MUC4: variants seen among roughly 807,000 people sequenced by gnomAD.
The protein encoded by MUC4 is mucin 4, cell surface associated.
A neutral mutation model predicts 257.9 loss-of-function variants in MUC4; 202 were observed. The ratio of observed to expected loss-of-function variants is 0.78; its 90% CI spans 0.70 to 0.88. The LOEUF is 0.88. MUC4 is among the 40% of genes least tolerant of loss of function. MUC4 has a pLI of 0.00. For missense variants in MUC4, 5,976 were observed against 6,513.7 expected, an observed-to-expected ratio of 0.92 and a Z score of 2.84; for synonymous variants, 2,351 against 2,757.1, an observed-to-expected ratio of 0.85 and a Z score of 4.62.
chr3:195,749,146 G>C (rs1457814412), intron 23 of MUC4, 82 bp from the exon 24 acceptor site: 3 of 1,526,194 alleles, frequency 2.0e-6, no homozygotes, highest in Middle Eastern at 1.7e-4. Context: ...ATTCCTTTTC[G>C]GGTGTTTATC....
rs1182623140 is a variant in MUC4 at position 195,783,138 on chromosome 3, G to A, written c.8442C>T (p.Ala2814=). 7 of 1,325,890 alleles carry A rather than the reference G, an allele frequency of 5.3e-6. No homozygotes were observed. Among genetic ancestry groups the A allele is most frequent in the Admixed American group, 2.3e-5 (1 of 42,598 alleles). The allele number at this position is 1,325,890 out of a possible 1,614,324, so 82.1% of individuals were successfully genotyped here. ...TDASSVSTGH[A]TSLPVTDASS... ...AAGCGTCGGTGACAGGAAGAGAGGT[G>A]GCGTGACCTGTGGACACTGACGAAG... Residue 2814 remains alanine (A), a synonymous_variant, in exon 2 of 25, where the codon GCC becomes GCT. Transcript: ENST00000463781.
At chr3:195,754,168 A>C in intron 19 of MUC4, 45 bp downstream of exon 19, 1 of 1,579,108 alleles carries the variant, frequency 6.3e-7, no homozygotes, top group Non-Finnish European at 8.6e-7. Flanking sequence ...TTGAGCTATC[A>C]GCTGCTCCCA....
intron 8 of MUC4, 54 bp from the exon 9 acceptor site, chr3:195,765,503 C>T (rs1288373679): frequency 1.3e-6 from 2 of 1,550,244 alleles, no homozygotes; most frequent in Non-Finnish European, 1.8e-6. Context: ...GCTGCAGGCC[C>T]TGTCTCAGCT....
rs756391969 is a variant in MUC4 at position 195,778,817 on chromosome 3, C to T, written c.12763G>A (p.Asp4255Asn). 4.4e-5 allele frequency: 71 copies of T among 1,611,926 alleles called. No homozygotes were observed. The South Asian group carries it at 7.8e-4, about 18-fold the overall frequency. The change falls in exon 2 of 25, where the codon GAC becomes AAC. Residue 4255 changes from aspartate to asparagine, a missense_variant. Coordinates refer to ENST00000463781, the MANE Select transcript of MUC4 (RefSeq NM_018406.7). ...GGTGTTTCCATCTTCAGAGGGGAGT[C>T]CGAGGATACTGTGGAAGCTGAGGTA... ...SATSASTVSS[D>N]SPLKMETPGM...
chr3:195,767,933 G>GCCATCA (rs1553861390), intron 7 of MUC4, among the ~76,000 whole-genome samples: 3 of 62,654 alleles, frequency 4.8e-5, no homozygotes, highest in African/African-American at 2.3e-4. Flanking sequence ...CACCTCCACC[G>GCCATCA]CCACTACCAC....
rs761711596 is a variant in MUC4, at chr3:195,788,084, C to G, written c.3496G>C (p.Ala1166Pro). 2 of 1,470,076 alleles carry G rather than the reference C, an allele frequency of 1.4e-6. No homozygotes were observed. The highest frequency in any genetic ancestry group is 1.7e-5 in the African/African-American group (1 of 58,606). The allele number at this position is 1,470,076 out of a possible 1,614,324, so 91.1% of individuals were successfully genotyped here. A position where few individuals can be genotyped will look rare whatever the true frequency, so the allele number is the denominator to read the frequency against. Residue 1166 changes from alanine to proline, a missense_variant, in exon 2 of 25, where the codon GCC becomes CCC. By Grantham distance (27) the Ala-to-Pro change is conservative. Coordinates refer to ENST00000463781, the MANE Select transcript of MUC4 (RefSeq NM_018406.7). ...TDASSASTGQ[A>P]TPLPVTSLSS... ...AGGCTGGTGACAGGAAGAGGGGTGG[C>G]CTGACCTGTGGATGCTGAGGAAGCA...
chr3:195,778,492 C>A, intron 2 of MUC4, 37 bp from the exon 3 acceptor site: 2 of 1,604,122 alleles, frequency 1.2e-6, no homozygotes, highest in Non-Finnish European at 8.5e-7. Context: ...GTGTTTCTTA[C>A]AGTAACAAAA....
chr3:195,785,686 T>A lies in MUC4; in HGVS notation c.5894A>T (p.His1965Leu). ...GTCGGTGACAGGAAGAGAGGTGGCGTGACCTGTGGGTACTGAGGAAGCGTC... is the reference window on the plus strand; with the variant it reads ...GTCGGTGACAGGAAGAGAGGTGGCGAGACCTGTGGGTACTGAGGAAGCGTC... ...VTDASSVPTGHATSLPVTDAS... is the reference protein window; with the variant it reads ...VTDASSVPTGLATSLPVTDAS... Residue 1965 changes from histidine to leucine, a missense_variant, in exon 2 of 25, where the codon CAC becomes CTC. Transcript: ENST00000463781. 1 of 1,453,642 alleles carries A rather than the reference T, an allele frequency of 6.9e-7. No individual in the cohort carries two copies. The highest frequency in any genetic ancestry group is 9.2e-7 in the Non-Finnish European group (1 of 1,088,418). The allele number at this position is 1,453,642 out of a possible 1,614,324, so 90.0% of individuals were successfully genotyped here.
At chr3:195,767,540 T>TCGCCACCAC (rs1721040265) in intron 7 of MUC4, among the ~76,000 whole-genome samples, 3 of 65,736 alleles carry the variant, frequency 4.6e-5, no homozygotes, top group Admixed American at 4.4e-4. Flanking sequence ...GCCACCACCA[T>TCGCCACCAC]CATCACCATC....
rs749230805 is a variant in MUC4 at position 195,765,238 on chromosome 3, T to A, written c.13798+32A>T. On this transcript the variant is annotated intron_variant, in intron 9 of 24. Transcript: ENST00000463781. ...GGGCGTGAGCAGAGAGGGTGGTGGG[T>A]GGGCTTGTGGGGGGCGGGAAGGAGG... 1.1e-5 allele frequency: 17 copies of A among 1,555,006 alleles called. No homozygotes were observed. The East Asian group carries it at 3.7e-4, about 34-fold the overall frequency.
At chr3:195,798,430 G>A (rs761931970) in intron 1 of MUC4, among the ~76,000 whole-genome samples, 2 of 152,174 alleles carry the variant, frequency 1.3e-5, no homozygotes, top group South Asian at 2.1e-4. Context: ...TAGGCCAGGC[G>A]TGGTGGCTCA....
At chr3:195,760,380 G>C (rs1304748660) in intron 16 of MUC4, among the ~76,000 whole-genome samples, 3 of 152,216 alleles carry the variant, frequency 2.0e-5, no homozygotes, top group Non-Finnish European at 4.4e-5. Flanking sequence ...CAAGAGAACA[G>C]CACGTGTGAA....
rs1725485228 is a variant in MUC4, at chr3:195,778,340, G to A, written c.12906C>T (p.Arg4302=). The change falls in exon 3 of 25, where the codon CGC becomes CGT. Residue 4302 remains arginine (R), a synonymous_variant. Coordinates refer to ENST00000463781, the MANE Select transcript of MUC4 (RefSeq NM_018406.7). Reference sequence around the variant, plus strand: ...GGATGGGGATGGGGGCAGCTGTGGAGCGGGTGTGCATGGCAGTGCTGGGAA... The same window carrying A: ...GGATGGGGATGGGGGCAGCTGTGGAACGGGTGTGCATGGCAGTGCTGGGAA... ...STIPSTAMHT[R]STAAPIPILP... The A allele has an allele frequency of 6.2e-7, 1 of 1,612,540 alleles. No homozygotes were observed. The highest frequency in any genetic ancestry group is 1.7e-5 in the Admixed American group (1 of 59,936).
chr3:195,770,726 C>A, intron 5 of MUC4: 1 of 410,856 alleles, frequency 2.4e-6, no homozygotes, highest in Admixed American at 3.3e-5. Context: ...TGAGTCTCTT[C>A]CTCTTGGAGC....
In MUC4 at chr3:195,788,670, G is replaced by A. The variant is rs201181758; in HGVS notation, c.2910C>T (p.Leu970=). The change falls in exon 2 of 25, where the codon CTC becomes CTT. Residue 970 remains leucine (L), a synonymous_variant. Coordinates refer to ENST00000463781, the MANE Select transcript of MUC4 (RefSeq NM_018406.7). Reference sequence around the variant, plus strand: ...CAGGAAGAGGGGTGGCGTTGCTGATGAGGGCCGTGGTGAAGGTTTTACCAG... The same window carrying A: ...CAGGAAGAGGGGTGGCGTTGCTGATAAGGGCCGTGGTGAAGGTTTTACCAG... ...SGSGKTFTTA[L]ISNATPLPVT... The A allele has an allele frequency of 4.1e-4, 664 of 1,612,732 alleles. 1 individual carries two copies. Among genetic ancestry groups the A allele is most frequent in the Middle Eastern group, 6.6e-4 (4 of 6,060 alleles).
At position 195,806,477 on chromosome 3, in the gene MUC4, C is replaced by G. The variant is rs982367651; in HGVS notation, c.82+5259G>C. On this transcript the variant is annotated intron_variant, in intron 1 of 24. Coordinates refer to ENST00000463781, the MANE Select transcript of MUC4 (RefSeq NM_018406.7). ...GAACATTTCCGTAATTATTTGATGT[C>G]TGTCTGCACCAAGATTTTAGTGCCA... is the stretch of plus-strand genomic sequence containing the variant. Among the ~76,000 whole-genome samples, 3 of 152,284 alleles carry G rather than the reference C, an allele frequency of 2.0e-5. No individual in the cohort carries two copies. The East Asian group carries it at 5.8e-4, about 29-fold the overall frequency.
chr3:195,764,646 C>G (rs971525499), intron 10 of MUC4, among the ~76,000 whole-genome samples: 3 of 152,072 alleles, frequency 2.0e-5, no homozygotes, highest in African/African-American at 7.2e-5. Flanking sequence ...CGCTCTCCAG[C>G]TCCCTTGGAG....
At chr3:195,770,085 G>A (rs1722465189) in intron 6 of MUC4, 131 bp downstream of exon 6, 12 of 975,410 alleles carry the variant, frequency 1.2e-5, no homozygotes, top group Non-Finnish European at 1.7e-5. Context: ...GGGGGTGGCG[G>A]TGGGGGGGCT....
rs201542091 is a variant in MUC4, at chr3:195,779,516, G to T, written c.12064C>A (p.Pro4022Thr). Reference sequence around the variant, plus strand: ...GCGTGACCTGTGGATGCTGAGGAAGGGCTGGTGACAGGAAGAGGGGTGGCG... The same window carrying T: ...GCGTGACCTGTGGATGCTGAGGAAGTGCTGGTGACAGGAAGAGGGGTGGCG... ...GHATPLPVTS[P>T]SSASTGHATP... Residue 4022 changes from proline to threonine, a missense_variant, in exon 2 of 25, where the codon CCT becomes ACT. Physicochemically the swap from Pro to Thr is conservative, Grantham distance 38. Around this residue, in one of 44 missense-constraint regions of MUC4, gnomAD observed 293 missense variants for 294.5 expected, o/e 1.00. Transcript: ENST00000463781. 1.3e-3 allele frequency: 1,288 copies of T among 975,028 alleles called. 128 individuals are homozygous for T. Among genetic ancestry groups the T allele is most frequent in the South Asian group, 0.01 (632 of 61,482 alleles). The allele number at this position is 975,028 out of a possible 1,614,324, so 60.4% of individuals were successfully genotyped here.
Sources: allele counts gnomAD v4.1 joint callset (sites outside exome capture counted in the v4.1 genomes callset), GRCh38; gene constraint gnomAD v4.1.1; regional missense constraint gnomAD v4.1.1; transcripts MANE v1.5; gene names NCBI Gene and HGNC (gene_info 2026-07-23, HGNC 2026-07-21).